PRKACB: variants seen among roughly 807,000 people sequenced by gnomAD.
PRKACB encodes the protein protein kinase cAMP-activated catalytic subunit beta, also known as cAMP-dependent protein kinase catalytic subunit beta.
In PRKACB, 16 loss-of-function variants were observed where a neutral mutation model predicts 51.4. The ratio of observed to expected loss-of-function variants is 0.31; its 90% CI spans 0.21 to 0.47. The LOEUF is 0.47. Ranked by LOEUF, PRKACB falls within the 20% of genes least tolerant of loss-of-function variation. The probability of loss-of-function intolerance (pLI) is 1.00; values close to 1 mark genes in which losing one functional copy is unlikely to be tolerated. For missense variants in PRKACB, 309 were observed against 464.5 expected, an observed-to-expected ratio of 0.67 and a Z score of 3.08; for synonymous variants, 147 against 154.4, an observed-to-expected ratio of 0.95 and a Z score of 0.35.
chr1:84,084,428 G>C (rs981677441), intron 1 of PRKACB, among the ~76,000 whole-genome samples: 3 of 152,136 alleles, frequency 2.0e-5, no homozygotes, highest in Non-Finnish European at 4.4e-5. Flanking sequence ...GGGAGCCATC[G>C]TGCACTTGGA....
chr1:84,236,441 G>A lies in PRKACB; in HGVS notation c.*1136G>A, dbSNP rs1338881380. 4 of 152,566 alleles carry A rather than the reference G, an allele frequency of 2.6e-5. No homozygotes were observed. The highest frequency in any genetic ancestry group is 5.9e-5 in the Non-Finnish European group (4 of 67,994). The allele number at this position is 152,566 out of a possible 1,614,324, so 9.5% of individuals were successfully genotyped here. ...TACTATATTTGTGAGCCTAGGGTAGGGGCACTGCTGCAACTTCTGCTTTCA... is the reference window on the plus strand; with the variant it reads ...TACTATATTTGTGAGCCTAGGGTAGAGGCACTGCTGCAACTTCTGCTTTCA... On this transcript the variant is annotated 3_prime_UTR_variant, in exon 10 of 10. Transcript: ENST00000370685.
intron 1 of PRKACB, among the ~76,000 whole-genome samples, chr1:84,117,409 C>T (rs1019326739): frequency 3.3e-5 from 5 of 152,050 alleles, no homozygotes; most frequent in African/African-American, 4.8e-5. Context: ...TGGTAGAATT[C>T]GGCTGTAAAT....
At chr1:84,091,620 T>G (rs1421939264) in intron 1 of PRKACB, among the ~76,000 whole-genome samples, 2 of 152,086 alleles carry the variant, frequency 1.3e-5, no homozygotes, top group Non-Finnish European at 2.9e-5. Flanking sequence ...CCCTCCCGCC[T>G]TAGCCTCCTG....
intron 1 of PRKACB, among the ~76,000 whole-genome samples, chr1:84,105,430 G>C (rs1407665656): frequency 6.6e-6 from 1 of 151,542 alleles, no homozygotes; most frequent in African/African-American, 2.4e-5. Flanking sequence ...ATAATTTACA[G>C]AAAAATATTA....
chr1:84,228,087 A>G (rs1298153961), intron 9 of PRKACB, among the ~76,000 whole-genome samples: 1 of 152,234 alleles, frequency 6.6e-6, no homozygotes, highest in Non-Finnish European at 1.5e-5. Context: ...CAGTCCCCAA[A>G]GCAGGGCGTG....
intron 9 of PRKACB, among the ~76,000 whole-genome samples, chr1:84,232,269 C>T (rs1301054573): frequency 6.6e-6 from 1 of 151,796 alleles, no homozygotes; most frequent in African/African-American, 2.4e-5. Context: ...AGTTTGATTG[C>T]ACTGTGGTCT....
At chr1:84,191,344 A>C (rs1666738206) in intron 5 of PRKACB, among the ~76,000 whole-genome samples, 1 of 152,062 alleles carries the variant, frequency 6.6e-6, no homozygotes, top group African/African-American at 2.4e-5. Context: ...GATGCTGAAA[A>C]TAGGCCCCCA....
intron 5 of PRKACB, among the ~76,000 whole-genome samples, chr1:84,187,244 T>A (rs891414272): frequency 1.3e-5 from 2 of 152,168 alleles, no homozygotes; most frequent in African/African-American, 4.8e-5. Context: ...TGTGACTAGA[T>A]GAACTGAAAG....
intron 5 of PRKACB, among the ~76,000 whole-genome samples, chr1:84,194,431 A>G (rs115979949): frequency 2.6e-3 from 390 of 152,322 alleles, no homozygotes; most frequent in African/African-American, 8.8e-3. Flanking sequence ...TTTTGAGGCA[A>G]TAGGAATATG....
At position 84,093,269 on chromosome 1, in the gene PRKACB, A is replaced by ATCTCTCTC. The variant is rs375522844; in HGVS notation, c.46+14914_46+14921dup. ...AGTCTGTCTGGAATCAAGTGTGTGC[A>ATCTCTCTC]TCTCTCTCTCTCTCTCTCTCTCTGT... is the stretch of plus-strand genomic sequence containing the variant. On this transcript the variant is annotated intron_variant, in intron 1 of 8. Transcript: ENST00000370688. Among the ~76,000 whole-genome samples, 7 of 146,328 alleles carry ATCTCTCTC rather than the reference A, an allele frequency of 4.8e-5. No individual in the cohort carries two copies. In the South Asian group the frequency reaches 1.5e-3, roughly 32 times the overall value.
chr1:84,169,950 A>G (rs901053953), intron 1 of PRKACB, among the ~76,000 whole-genome samples: 71 of 151,722 alleles, frequency 4.7e-4, no homozygotes, highest in African/African-American at 1.6e-3. Context: ...TAACTTAAAA[A>G]TCTTTTGAGG....
chr1:84,204,966 T>C (rs1406385936), intron 8 of PRKACB: 1 of 980,312 alleles, frequency 1.0e-6, no homozygotes, highest in African/African-American at 1.7e-5. Flanking sequence ...TTGTATCTAA[T>C]AATCAGCATA....
In PRKACB at chr1:84,206,271, A is replaced by C. The variant is rs114575130; in HGVS notation, c.906+3466A>C. On this transcript the variant is annotated intron_variant, in intron 8 of 9. Coordinates refer to ENST00000370685, the MANE Select transcript of PRKACB (RefSeq NM_182948.4). ...GAAGTATAAACATAAGTATATACTGAATGATCAAAGAGTTGGTTAATTTTT... is the reference window on the plus strand; with the variant it reads ...GAAGTATAAACATAAGTATATACTGCATGATCAAAGAGTTGGTTAATTTTT... Among the ~76,000 whole-genome samples the C allele has an allele frequency of 3.2e-3, 486 of 152,302 alleles. 1 individual carries two copies. Among genetic ancestry groups the C allele is most frequent in the African/African-American group, 0.011 (457 of 41,576 alleles).
At chr1:84,212,071 T>C (rs1672215738) in intron 8 of PRKACB, among the ~76,000 whole-genome samples, 1 of 152,220 alleles carries the variant, frequency 6.6e-6, no homozygotes, top group South Asian at 2.1e-4. Context: ...GGTATGATAA[T>C]GATTTCAATT....
chr1:84,139,303 T>A (rs575409784), upstream of PRKACB, among the ~76,000 whole-genome samples: 1 of 152,118 alleles, frequency 6.6e-6, no homozygotes, highest in South Asian at 2.1e-4. Context: ...AAAAAGAAAG[T>A]CTCCTAAAAC....
rs111520349 is a variant in PRKACB at position 84,212,517 on chromosome 1, A to G, written c.907-1636A>G. On this transcript the variant is annotated intron_variant, in intron 8 of 9. Coordinates refer to ENST00000370685, the MANE Select transcript of PRKACB (RefSeq NM_182948.4). ...TCAGAATATAAATTAAGGAGTCTAT[A>G]TATTTGAAGACAGTGTAATAAAGAG... is the stretch of plus-strand genomic sequence containing the variant. Among the ~76,000 whole-genome samples, 365 of 149,882 alleles carry G rather than the reference A, an allele frequency of 2.4e-3. 3 individuals carry two copies. Among genetic ancestry groups the G allele is most frequent in the African/African-American group, 8.9e-3 (350 of 39,282 alleles).
At chr1:84,178,079 T>C (rs1412185251) in intron 1 of PRKACB, among the ~76,000 whole-genome samples, 1 of 152,076 alleles carries the variant, frequency 6.6e-6, no homozygotes, top group African/African-American at 2.4e-5. Context: ...TCTCAAAACA[T>C]TTAAAATGCC....
intron 1 of PRKACB, among the ~76,000 whole-genome samples, chr1:84,149,747 T>A (rs1023531415): frequency 6.6e-6 from 1 of 152,178 alleles, no homozygotes; most frequent in African/African-American, 2.4e-5. Context: ...AACATCTTTA[T>A]AACTAAATAT....
At position 84,211,132 on chromosome 1, in the gene PRKACB, CA is replaced by C. The variant is rs1288757625; in HGVS notation, c.907-3020del. ...AACCCACCACCACTCCACTGTCACA[CA>C]CACACACACACACACACACACACAC... is the stretch of plus-strand genomic sequence containing the variant. On this transcript the variant is annotated intron_variant, in intron 8 of 9. Coordinates refer to ENST00000370685, the MANE Select transcript of PRKACB (RefSeq NM_182948.4). Among the ~76,000 whole-genome samples, 48 of 38,238 alleles carry C rather than the reference CA, an allele frequency of 1.3e-3. 1 individual carries two copies. The highest frequency in any genetic ancestry group is 4.3e-3 in the African/African-American group (45 of 10,486). The allele number at this position is 38,238 out of a possible 152,430, so 25.1% of individuals were successfully genotyped here.
Sources: allele counts gnomAD v4.1 joint callset (sites outside exome capture counted in the v4.1 genomes callset), GRCh38; gene constraint gnomAD v4.1.1; transcripts MANE v1.5; gene names NCBI Gene and HGNC (gene_info 2026-07-23, HGNC 2026-07-21).